Variants in PRKD1 observed in about 807,000 individuals in gnomAD.
PRKD1 encodes protein kinase D1.
In PRKD1, 63 loss-of-function variants were observed where a neutral mutation model predicts 95.9. The ratio of observed to expected loss-of-function variants is 0.66; its 90% confidence interval spans 0.54 to 0.81. The LOEUF is 0.81. Among genes scored for constraint, PRKD1 ranks in the 30% least tolerant of loss-of-function variants. The probability of loss-of-function intolerance (pLI) is 0.00; values close to 1 mark genes in which losing one functional copy is unlikely to be tolerated. For missense variants in PRKD1, 1,048 were observed against 1,165.3 expected, an observed-to-expected ratio of 0.90 and a Z score of 1.47; for synonymous variants, 425 against 423.1, an observed-to-expected ratio of 1.00 and a Z score of -0.05.
chr14:29,927,136 G>T, intron 1 of PRKD1, 113 bp downstream of exon 1: 2 of 1,167,194 alleles, frequency 1.7e-6, no homozygotes, highest in Non-Finnish European at 2.2e-6. Flanking sequence ...CGCCGGCGAG[G>T]CTGGCGGCCA....
intron 2 of PRKD1, among the ~76,000 whole-genome samples, chr14:29,709,193 T>C (rs1054921289): frequency 1.3e-5 from 2 of 152,206 alleles, no homozygotes; most frequent in African/African-American, 4.8e-5. Context: ...TGTTTCATTA[T>C]TGTTACTAGT....
chr14:29,854,649 A>G (rs996602979), intron 1 of PRKD1, among the ~76,000 whole-genome samples: 1 of 152,214 alleles, frequency 6.6e-6, no homozygotes, highest in African/African-American at 2.4e-5. Context: ...TGCATAAGTA[A>G]TAAGTAGCCA....
At chr14:29,691,996 G>C (rs560225113) in intron 2 of PRKD1, among the ~76,000 whole-genome samples, 5 of 152,178 alleles carry the variant, frequency 3.3e-5, no homozygotes, top group African/African-American at 1.2e-4. Context: ...TACAATTTTA[G>C]GTTAGTGCTC....
intron 1 of PRKD1, among the ~76,000 whole-genome samples, chr14:29,795,434 A>T (rs1158904538): frequency 6.6e-6 from 1 of 152,124 alleles, no homozygotes; most frequent in Non-Finnish European, 1.5e-5. Context: ...TAAATAATTC[A>T]TGTTCCCATT....
Position 29,927,415 on chromosome 14 carries a change from G to A in PRKD1, c.98C>T (p.Pro33Leu). ...AAAALVPGSGPGPAPFLAPVA... is the reference protein window; with the variant it reads ...AAAALVPGSGLGPAPFLAPVA... ...AGGAGCCAAGAACGGCGCGGGCCCG[G>A]GCCCGGACCCTGGGACCAGTGCGGC... The change falls in exon 1 of 18, where the codon CCC becomes CTC. Residue 33 changes from proline (P) to leucine (L), a missense_variant. By Grantham distance (98) the Pro-to-Leu change is moderately conservative. Around this residue, in one of 3 missense-constraint regions of PRKD1, gnomAD observed 34 missense variants for 54.8 expected, o/e 0.62. Coordinates refer to ENST00000331968, the MANE Select transcript of PRKD1 (RefSeq NM_002742.3). The A allele has an allele frequency of 1.3e-6, 2 of 1,482,722 alleles. No homozygotes were observed. Among genetic ancestry groups the A allele is most frequent in the African/African-American group, 2.9e-5 (2 of 68,732 alleles). The allele number at this position is 1,482,722 out of a possible 1,614,324, so 91.8% of individuals were successfully genotyped here.
chr14:29,895,638 T>C (rs913141986), intron 1 of PRKD1, among the ~76,000 whole-genome samples: 1 of 152,092 alleles, frequency 6.6e-6, no homozygotes, highest in Non-Finnish European at 1.5e-5. Context: ...TTCACCTCTC[T>C]TATCTCATCT....
chr14:29,870,788 T>G (rs1279282511), intron 1 of PRKD1, among the ~76,000 whole-genome samples: 1 of 152,224 alleles, frequency 6.6e-6, no homozygotes, highest in East Asian at 1.9e-4. Context: ...AATAATGACA[T>G]TTATGACTCA....
At chr14:29,919,253 C>A (rs1299820647) in intron 1 of PRKD1, among the ~76,000 whole-genome samples, 2 of 152,158 alleles carry the variant, frequency 1.3e-5, no homozygotes, top group Non-Finnish European at 2.9e-5. Context: ...CTGGCTTAAG[C>A]CAAATAAAAC....
intron 1 of PRKD1, among the ~76,000 whole-genome samples, chr14:29,736,122 C>G (rs1297831646): frequency 2.0e-5 from 3 of 152,122 alleles, no homozygotes; most frequent in African/African-American, 7.2e-5. Flanking sequence ...GGTTGTAGAC[C>G]CCTACGAAGT....
intron 4 of PRKD1, chr14:29,657,303 G>T (rs1881916261): frequency 1.3e-5 from 2 of 152,068 alleles, no homozygotes; most frequent in African/African-American, 4.8e-5. Flanking sequence ...CAAGCTTTTG[G>T]GGGGCAGCTC....
At chr14:29,599,234 T>A in intron 14 of PRKD1, 109 bp from the exon 15 acceptor site, 2 of 888,286 alleles carry the variant, frequency 2.3e-6, no homozygotes, top group Non-Finnish European at 3.5e-6. Context: ...CAAATTTCTT[T>A]ATGTTAAAGA....
chr14:29,576,640 G>C lies in PRKD1; in HGVS notation c.*598C>G, dbSNP rs1892563820. On this transcript the variant is annotated 3_prime_UTR_variant, in exon 18 of 18. Coordinates refer to ENST00000331968, the MANE Select transcript of PRKD1 (RefSeq NM_002742.3). The stretch of plus-strand genomic sequence containing the variant: ...AAGGCATTTAGGCTTAAGAGCACTA[G>C]GTCTTGCACAGCTAGGTGCATTGTC... 1 of 158,376 alleles carries C rather than the reference G, an allele frequency of 6.3e-6. No homozygotes were observed. The highest frequency in any genetic ancestry group is 1.4e-5 in the Non-Finnish European group (1 of 71,120). 9.8% of individuals were successfully genotyped at this position (158,376 alleles called of 1,614,324 possible).
chr14:29,821,548 C>G (rs1048168932), intron 1 of PRKD1, among the ~76,000 whole-genome samples: 1 of 152,154 alleles, frequency 6.6e-6, no homozygotes, highest in Non-Finnish European at 1.5e-5. Context: ...TCTATTCACT[C>G]TCTCCTTACA....
chr14:29,854,538 G>C (rs753818687), intron 1 of PRKD1, among the ~76,000 whole-genome samples: 2 of 152,172 alleles, frequency 1.3e-5, no homozygotes, highest in African/African-American at 2.4e-5. Flanking sequence ...AGTTTTAAAA[G>C]GGAAGCAGAG....
chr14:29,723,412 C>T (rs9888616), intron 2 of PRKD1, among the ~76,000 whole-genome samples: 27,343 of 151,676 alleles, frequency 0.18, 2,541 homozygotes, highest in South Asian at 0.24. Flanking sequence ...ACATAAAGAC[C>T]GGGAAAAAGA....
At chr14:29,721,230 A>G (rs989848823) in intron 2 of PRKD1, among the ~76,000 whole-genome samples, 3 of 152,236 alleles carry the variant, frequency 2.0e-5, no homozygotes, top group Non-Finnish European at 4.4e-5. Context: ...AAAACTAACT[A>G]CATGTGGAAA....
chr14:29,743,644 T>C (rs1213447877), intron 1 of PRKD1, among the ~76,000 whole-genome samples: 3 of 152,182 alleles, frequency 2.0e-5, no homozygotes, highest in African/African-American at 7.2e-5. Context: ...TTCCACCCCA[T>C]TTATAGAAAT....
intron 2 of PRKD1, among the ~76,000 whole-genome samples, chr14:29,694,798 A>C (rs554976460): frequency 6.6e-6 from 1 of 152,316 alleles, no homozygotes; most frequent in South Asian, 2.1e-4. Context: ...AGAGTGAAAC[A>C]GGTAGATGTT....
chr14:29,577,001 C>T lies in PRKD1; in HGVS notation c.*237G>A. On this transcript the variant is annotated 3_prime_UTR_variant, in exon 18 of 18. Transcript: ENST00000331968. ...CATTAAATATAACATGAATCATTCACAATAACAAGTTTCGTGTTTCAGGGA... is the reference window on the plus strand; with the variant it reads ...CATTAAATATAACATGAATCATTCATAATAACAAGTTTCGTGTTTCAGGGA... The T allele has an allele frequency of 1.8e-6, 1 of 554,474 alleles. No individual in the cohort carries two copies. The highest frequency in any genetic ancestry group is 3.2e-6 in the Non-Finnish European group (1 of 309,000). The allele number at this position is 554,474 out of a possible 1,614,324, so 34.3% of individuals were successfully genotyped here. A position where few individuals can be genotyped will look rare whatever the true frequency, so the allele number is the denominator to read the frequency against.
Sources: gnomAD v4.1 joint callset for allele counts (sites outside exome capture counted in the v4.1 genomes callset) on GRCh38, gnomAD v4.1.1 for gene constraint, gnomAD v4.1.1 regional missense constraint, MANE v1.5 for transcripts, NCBI Gene and HGNC (gene_info 2026-07-23, HGNC 2026-07-21) for gene names.